The following GNAT3 variants were observed in gnomAD, a reference collection of about 807,000 sequenced individuals.
GNAT3 encodes guanine nucleotide-binding protein G(t) subunit alpha-3.
In GNAT3, 31 loss-of-function variants were observed where a neutral mutation model predicts 37.7. The ratio of observed to expected loss-of-function variants is 0.82; its 90% confidence interval spans 0.62 to 1.11. GNAT3 has a LOEUF of 1.11. Ranked by LOEUF, GNAT3 falls within the 50% of genes most tolerant of loss-of-function variation. The pLI, the probability that GNAT3 is intolerant of heterozygous loss-of-function variation, is 0.00. For synonymous variants in GNAT3, 138 were observed against 139.8 expected (o/e 0.99, Z 0.09); for missense variants, 437 against 412.5 (o/e 1.06, Z -0.51).
rs1050482808 is a variant in GNAT3 at position 80,510,073 on chromosome 7, T to C, written c.118+1736A>G. On this transcript the variant is annotated intron_variant, in intron 1 of 7. Transcript: ENST00000398291. ...GCTGAACAGTAGATCTCTTGAAATT[T>C]ATTCTTCCTATTTAACTGTAATTTT... 3.3e-5 allele frequency among the ~76,000 whole-genome samples: 5 copies of C among 152,148 alleles called. No individual in the cohort carries two copies. In the East Asian group the frequency reaches 9.6e-4, roughly 29 times the overall value.
chr7:80,473,553 CAGCTAGAACCTGCTATTAATG>C (rs1790254321), intron 5 of GNAT3, among the ~76,000 whole-genome samples: 1 of 152,026 alleles, frequency 6.6e-6, no homozygotes. Context: ...CTAAACAATG[CAGCTAGAACCTGCTATTAATG>C]TTTAATATTC....
At chr7:80,492,003 TA>T (rs1249685628) in intron 2 of GNAT3, among the ~76,000 whole-genome samples, 5 of 152,220 alleles carry the variant, frequency 3.3e-5, no homozygotes, top group East Asian at 3.9e-4. Flanking sequence ...TCTCTCATTT[TA>T]AAAAAGTATC....
At chr7:80,475,361 TAAAA>T (rs79721201) in intron 4 of GNAT3, among the ~76,000 whole-genome samples, 1 of 121,068 alleles carries the variant, frequency 8.3e-6, no homozygotes. Flanking sequence ...GTCTTCATAC[TAAAA>T]AAAAAAAAAA....
intron 4 of GNAT3, among the ~76,000 whole-genome samples, chr7:80,477,202 G>A (rs919501090): frequency 1.3e-5 from 2 of 151,960 alleles, no homozygotes; most frequent in African/African-American, 2.4e-5. Flanking sequence ...TTAACTATGT[G>A]GTTTGTACAA....
At chr7:80,483,557 A>G in intron 3 of GNAT3, among the ~76,000 whole-genome samples, 1 of 151,882 alleles carries the variant, frequency 6.6e-6, no homozygotes, top group East Asian at 1.9e-4. Context: ...TCAACATAAA[A>G]CCCAAATCCC....
Position 80,511,938 on chromosome 7 carries a change from A to G in GNAT3, c.-12T>C. On this transcript the variant is annotated 5_prime_UTR_variant, in exon 1 of 8. Coordinates refer to ENST00000398291, the MANE Select transcript of GNAT3 (RefSeq NM_001102386.3). ...ATTCCACTTCCCATCTTGTGGTGGTAGATACTTGTCAGTTTATATGTTCAG... is the reference window on the plus strand; with the variant it reads ...ATTCCACTTCCCATCTTGTGGTGGTGGATACTTGTCAGTTTATATGTTCAG... 1 of 1,565,032 alleles carries G rather than the reference A, an allele frequency of 6.4e-7. No individual in the cohort carries two copies. Among genetic ancestry groups the G allele is most frequent in the Non-Finnish European group, 8.8e-7 (1 of 1,137,804 alleles).
intron 5 of GNAT3, among the ~76,000 whole-genome samples, chr7:80,467,039 A>T (rs116715891): frequency 0.013 from 1,955 of 152,266 alleles, 50 homozygotes; most frequent in East Asian, 0.066. Flanking sequence ...TTTCTTTACC[A>T]AAATGAAGAA....
chr7:80,509,932 G>C (rs750345477), intron 1 of GNAT3, among the ~76,000 whole-genome samples: 28 of 152,008 alleles, frequency 1.8e-4, no homozygotes, highest in Non-Finnish European at 3.7e-4. Context: ...GTTAAATCTA[G>C]CTAATTAACA....
intron 1 of GNAT3, among the ~76,000 whole-genome samples, chr7:80,502,175 G>A (rs1413665875): frequency 1.3e-5 from 2 of 151,970 alleles, no homozygotes; most frequent in Non-Finnish European, 2.9e-5. Flanking sequence ...TATAGGTGAC[G>A]GAGAAGTCTA....
intron 5 of GNAT3, among the ~76,000 whole-genome samples, chr7:80,463,440 T>TC (rs1223944828): frequency 6.6e-6 from 1 of 152,088 alleles, no homozygotes; most frequent in African/African-American, 2.4e-5. Flanking sequence ...TCACACACAG[T>TC]CTCTTTCCTT....
chr7:80,493,610 C>T (rs1790637972), intron 2 of GNAT3, among the ~76,000 whole-genome samples: 1 of 117,690 alleles, frequency 8.5e-6, no homozygotes, highest in Non-Finnish European at 1.8e-5. Flanking sequence ...CTTTCCTCCT[C>T]CTCCTCTTTC....
chr7:80,478,976 G>A lies in GNAT3; in HGVS notation c.326C>T (p.Ala109Val), dbSNP rs750003856. 1.9e-6 allele frequency: 3 copies of A among 1,609,182 alleles called. No individual in the cohort carries two copies. The South Asian group carries it at 3.3e-5, about 18-fold the overall frequency. The change falls in exon 4 of 8, where the codon GCA becomes GTA. Residue 109 changes from alanine (A) to valine (V), a missense_variant. Physicochemically the swap from Ala to Val is moderately conservative, Grantham distance 64. Coordinates refer to ENST00000398291, the MANE Select transcript of GNAT3 (RefSeq NM_001102386.3). ...RSAEDQRQLY[A>V]MANTLEDGGM... The stretch of plus-strand genomic sequence containing the variant: ...ACCATCTTCCAGGGTATTTGCCATT[G>A]CATAAAGTTGTCGTTGGTCCTCCTA...
chr7:80,468,088 A>G (rs1329150591), intron 5 of GNAT3, among the ~76,000 whole-genome samples: 1 of 152,048 alleles, frequency 6.6e-6, no homozygotes, highest in African/African-American at 2.4e-5. Flanking sequence ...ACAGTCGAAC[A>G]CTGATTATTT....
At chr7:80,487,264 G>C (rs1355747274) in intron 3 of GNAT3, among the ~76,000 whole-genome samples, 1 of 152,088 alleles carries the variant, frequency 6.6e-6, no homozygotes. Context: ...AAGTCAGAGA[G>C]AGATAAAGAA....
At chr7:80,490,219 T>C (rs997150677) in intron 2 of GNAT3, among the ~76,000 whole-genome samples, 3 of 152,162 alleles carry the variant, frequency 2.0e-5, no homozygotes, top group Non-Finnish European at 2.9e-5. Flanking sequence ...AGTCACTAGA[T>C]GATTAATTAA....
At position 80,512,005 on chromosome 7, in the gene GNAT3, G is replaced by A; in HGVS notation, c.-79C>T. 1 of 942,184 alleles carries A rather than the reference G, an allele frequency of 1.1e-6. No individual in the cohort carries two copies. Among genetic ancestry groups the A allele is most frequent in the Non-Finnish European group, 1.7e-6 (1 of 599,662 alleles). The allele number at this position is 942,184 out of a possible 1,614,324, so 58.4% of individuals were successfully genotyped here. A position where few individuals can be genotyped will look rare whatever the true frequency, so the allele number is the denominator to read the frequency against. ...GCACAGCTGTGGTTTGGACATAGGA[G>A]GCAAGAGTAATGCTCTGCTGAAGTA... On this transcript the variant is annotated 5_prime_UTR_variant, in exon 1 of 8. Coordinates refer to ENST00000398291, the MANE Select transcript of GNAT3 (RefSeq NM_001102386.3).
chr7:80,480,511 C>T (rs563043145), intron 3 of GNAT3, among the ~76,000 whole-genome samples: 2 of 152,012 alleles, frequency 1.3e-5, no homozygotes, highest in East Asian at 3.9e-4. Context: ...AGGACGAGTC[C>T]ATAGGGCAAA....
intron 5 of GNAT3, among the ~76,000 whole-genome samples, chr7:80,466,600 A>G (rs1790133749): frequency 1.3e-5 from 2 of 152,002 alleles, no homozygotes; most frequent in African/African-American, 2.4e-5. Context: ...TGGGAACTCT[A>G]ATTTGTGGGT....
chr7:80,499,621 A>G (rs1364773509), intron 1 of GNAT3, among the ~76,000 whole-genome samples: 2 of 152,240 alleles, frequency 1.3e-5, no homozygotes, highest in African/African-American at 2.4e-5. Flanking sequence ...GACTGTTGGT[A>G]TAAAAGATTT....
Sources: gnomAD v4.1 joint callset for allele counts (sites outside exome capture counted in the v4.1 genomes callset) on GRCh38, gnomAD v4.1.1 for gene constraint, MANE v1.5 for transcripts, NCBI Gene and HGNC (gene_info 2026-07-23, HGNC 2026-07-21) for gene names.